The following SPATS2 variants were observed in gnomAD, a reference collection of about 807,000 sequenced individuals.
SPATS2 encodes the protein spermatogenesis-associated serine-rich protein 2.
In SPATS2, 38 loss-of-function variants were observed where a neutral mutation model predicts 63.7. That is an observed-to-expected ratio of 0.60 (90% CI 0.46 to 0.78). SPATS2 has a LOEUF of 0.78. Ranked by LOEUF, SPATS2 falls within the 30% of genes least tolerant of loss-of-function variation. The pLI, the probability that SPATS2 is intolerant of heterozygous loss-of-function variation, is 0.00. For synonymous variants in SPATS2, 207 were observed against 232.9 expected, an observed-to-expected ratio of 0.89 and a Z score of 1.01; for missense variants, 588 against 666.2, an observed-to-expected ratio of 0.88 and a Z score of 1.29.
At position 49,389,684 on chromosome 12, in the gene SPATS2, G is replaced by T. The variant is rs377146119; in HGVS notation, c.-244+18394G>T. ...AGAAATTCAAGAGCTTAATGAAGTCGCAAGAACATCGGCCACGGTCCACGT... is the reference window on the plus strand; with the variant it reads ...AGAAATTCAAGAGCTTAATGAAGTCTCAAGAACATCGGCCACGGTCCACGT... On this transcript the variant is annotated intron_variant, in intron 2 of 13. Transcript: ENST00000552918. The T allele has an allele frequency of 9.3e-4, 1,406 of 1,514,476 alleles. 30 individuals are homozygous for T. In the South Asian group the frequency reaches 0.014, roughly 15 times the overall value. 93.8% of individuals were successfully genotyped at this position (1,514,476 alleles called of 1,614,324 possible).
intron 2 of SPATS2, among the ~76,000 whole-genome samples, chr12:49,432,953 G>A (rs1399898086): frequency 1.3e-5 from 2 of 152,156 alleles, no homozygotes; most frequent in East Asian, 3.8e-4. Flanking sequence ...CCTGGATCAT[G>A]TGGTAGTTCT....
intron 2 of SPATS2, chr12:49,454,436 CTATCTAAGAACAA>C (rs1246031908): frequency 6.6e-6 from 1 of 152,172 alleles, no homozygotes; most frequent in Non-Finnish European, 1.5e-5. Context: ...CTAATGTGGG[CTATCTAAGAACAA>C]AACTCACTTA....
At chr12:49,454,899 C>A (rs1038249918) in intron 2 of SPATS2, among the ~76,000 whole-genome samples, 7 of 142,784 alleles carry the variant, frequency 4.9e-5, no homozygotes, top group Non-Finnish European at 9.1e-5. Flanking sequence ...AAAAAAAAAA[C>A]AGTCCATTCT....
chr12:49,522,777 T>C lies in SPATS2; in HGVS notation c.1035T>C (p.Asp345=). Residue 345 remains aspartate (D), a synonymous_variant, in exon 12 of 14, where the codon GAT becomes GAC. Coordinates refer to ENST00000552918, the MANE Select transcript of SPATS2 (RefSeq NM_023071.4). ...IKHFVSERKY[D]EDLGRVARFT... ...ACTTTGTTAGTGAACGTAAATATGA[T>C]GAGGATCTGGGACGAGTAGCCCGGT... The C allele has an allele frequency of 6.2e-7, 1 of 1,613,824 alleles. No homozygotes were observed. Among genetic ancestry groups the C allele is most frequent in the Admixed American group, 1.7e-5 (1 of 60,008 alleles).
intron 2 of SPATS2, among the ~76,000 whole-genome samples, chr12:49,444,064 G>A (rs187831246): frequency 2.2e-4 from 33 of 152,178 alleles, no homozygotes; most frequent in African/African-American, 7.9e-4. Context: ...AATTAAATTG[G>A]GAGAATATGA....
At chr12:49,469,195 C>T (rs1413188794) in intron 3 of SPATS2, among the ~76,000 whole-genome samples, 1 of 151,676 alleles carries the variant, frequency 6.6e-6, no homozygotes, top group African/African-American at 2.4e-5. Context: ...GTCAGGACTT[C>T]GAGACCAGCC....
rs1491450814 is a variant in SPATS2, at chr12:49,403,640, CAA to C, written c.-244+32352_-244+32353del. Among the ~76,000 whole-genome samples, 1,196 of 143,030 alleles carry C rather than the reference CAA, an allele frequency of 8.4e-3. 24 individuals are homozygous for C. The highest frequency in any genetic ancestry group is 0.03 in the African/African-American group (1,119 of 37,276). 93.8% of individuals were successfully genotyped at this position (143,030 alleles called of 152,430 possible). A position where few individuals can be genotyped will look rare whatever the true frequency, so the allele number is the denominator to read the frequency against. On this transcript the variant is annotated intron_variant, in intron 2 of 13. Transcript: ENST00000552918. The stretch of plus-strand genomic sequence containing the variant: ...ACACACACACACACACACACACACA[CAA>C]ACAAAACTGGAATTCTCTGTTATGG...
intron 2 of SPATS2, among the ~76,000 whole-genome samples, chr12:49,374,628 C>G (rs1197488094): frequency 6.6e-6 from 1 of 152,074 alleles, no homozygotes. Context: ...TTAAAGGTAA[C>G]TTCTGCAGCC....
chr12:49,516,052 A>G (rs1940731932), intron 10 of SPATS2, among the ~76,000 whole-genome samples: 1 of 146,796 alleles, frequency 6.8e-6, no homozygotes, highest in Admixed American at 6.9e-5. Flanking sequence ...AGGCAGGAGA[A>G]TCACTTGAAC....
chr12:49,515,389 C>A (rs1946821615), intron 10 of SPATS2, among the ~76,000 whole-genome samples: 4 of 152,156 alleles, frequency 2.6e-5, no homozygotes, highest in African/African-American at 9.7e-5. Flanking sequence ...TTTATTTTAA[C>A]CCACCCCCAA....
chr12:49,383,471 C>T (rs1481300653), intron 2 of SPATS2, among the ~76,000 whole-genome samples: 1 of 151,984 alleles, frequency 6.6e-6, no homozygotes, highest in African/African-American at 2.4e-5. Context: ...AGCGCAGTGA[C>T]ATCATCTCAT....
In SPATS2 at chr12:49,526,713, A is replaced by G. The variant is rs1418754121; in HGVS notation, c.*458A>G. 1.3e-5 allele frequency: 2 copies of G among 156,542 alleles called. No individual in the cohort carries two copies. Among genetic ancestry groups the G allele is most frequent in the Non-Finnish European group, 2.8e-5 (2 of 70,884 alleles). The allele number at this position is 156,542 out of a possible 1,614,324, so 9.7% of individuals were successfully genotyped here. A position where few individuals can be genotyped will look rare whatever the true frequency, so the allele number is the denominator to read the frequency against. On this transcript the variant is annotated 3_prime_UTR_variant, in exon 14 of 14. Coordinates refer to ENST00000552918, the MANE Select transcript of SPATS2 (RefSeq NM_023071.4). ...CACTGGATTCGCCAGAGAAGGGAAA[A>G]TTTAATTAGTGAAAAGGAAAGAACA...
intron 2 of SPATS2, among the ~76,000 whole-genome samples, chr12:49,377,915 A>G (rs2137169705): frequency 6.6e-6 from 1 of 152,334 alleles, no homozygotes; most frequent in East Asian, 1.9e-4. Flanking sequence ...TATCTGTAAA[A>G]TGGATGCAGT....
rs543241049 is a variant in SPATS2, at chr12:49,508,745, C to CT, written c.840-5796dup. On this transcript the variant is annotated intron_variant, in intron 9 of 13. Coordinates refer to ENST00000552918, the MANE Select transcript of SPATS2 (RefSeq NM_023071.4). ...CCACAGTGCCTGGCCCTGGCTCAGC[C>CT]TTTTTTTTTTTTTTCTGTAGCCAAC... Among the ~76,000 whole-genome samples, 939 of 142,078 alleles carry CT rather than the reference C, an allele frequency of 6.6e-3. 2 individuals are homozygous for CT. The highest frequency in any genetic ancestry group is 0.015 in the African/African-American group (569 of 39,030). The allele number at this position is 142,078 out of a possible 152,430, so 93.2% of individuals were successfully genotyped here.
intron 3 of SPATS2, among the ~76,000 whole-genome samples, chr12:49,467,117 C>T (rs1379864283): frequency 1.4e-5 from 2 of 138,174 alleles, no homozygotes; most frequent in Non-Finnish European, 3.0e-5. Context: ...AGCACAATCT[C>T]GGCTGACTGC....
Position 49,494,589 on chromosome 12 carries a change from A to G in SPATS2, c.265-152A>G, listed in dbSNP as rs545632031. ...ATAGTAAAATTTTATTTTAGGCAAT[A>G]GTTCAGCATATGTGAAAATATTAAA... On this transcript the variant is annotated intron_variant, in intron 6 of 13. Transcript: ENST00000552918. The G allele has an allele frequency of 8.5e-5, 57 of 667,852 alleles. No homozygotes were observed. In the South Asian group the frequency reaches 1.9e-3, roughly 22 times the overall value. The allele number at this position is 667,852 out of a possible 1,614,324, so 41.4% of individuals were successfully genotyped here.
intron 2 of SPATS2, among the ~76,000 whole-genome samples, chr12:49,429,526 A>G (rs1258262566): frequency 2.0e-5 from 3 of 151,410 alleles, no homozygotes; most frequent in African/African-American, 7.3e-5. Flanking sequence ...GCTCACTGCA[A>G]CCTCTGCCTC....
Position 49,484,688 on chromosome 12 carries a change from G to T in SPATS2, c.105+19G>T. The T allele has an allele frequency of 1.9e-6, 3 of 1,610,542 alleles. No homozygotes were observed. The highest frequency in any genetic ancestry group is 2.5e-6 in the Non-Finnish European group (3 of 1,177,094). On this transcript the variant is annotated intron_variant, in intron 4 of 13. Transcript: ENST00000552918. ...AGAGAAGGTAAGACTAGTCACTATG[G>T]ATAGTAAACTTAAATGTCATAGGAA...
intron 2 of SPATS2, among the ~76,000 whole-genome samples, chr12:49,436,608 T>C (rs1945299469): frequency 8.1e-6 from 1 of 123,892 alleles, no homozygotes; most frequent in African/African-American, 3.1e-5. Context: ...GGCCGGGGGC[T>C]GACCCCCCCA....
Sources: allele counts gnomAD v4.1 joint callset (sites outside exome capture counted in the v4.1 genomes callset), GRCh38; gene constraint gnomAD v4.1.1; transcripts MANE v1.5; gene names NCBI Gene and HGNC (gene_info 2026-07-23, HGNC 2026-07-21).